AKAP6: variants seen among roughly 807,000 people sequenced by gnomAD.
AKAP6 encodes A-kinase anchor protein 6.
In AKAP6, 58 loss-of-function variants were observed where a neutral mutation model predicts 188.5. That is an observed-to-expected ratio of 0.31 (90% confidence interval 0.25 to 0.38). AKAP6 has a LOEUF of 0.38. AKAP6 is among the 10% of genes least tolerant of loss of function. The pLI is 1.00. For missense variants in AKAP6, 2,710 were observed against 2,740.0 expected (o/e 0.99, Z 0.24); for synonymous variants, 989 against 998.6 (o/e 0.99, Z 0.18).
intron 7 of AKAP6, among the ~76,000 whole-genome samples, chr14:32,659,936 G>T (rs749461573): frequency 2.0e-5 from 3 of 151,938 alleles, no homozygotes; most frequent in Non-Finnish European, 4.4e-5. Flanking sequence ...AGGTGTAACC[G>T]ACAAGGTGAC....
intron 7 of AKAP6, 45 bp from the exon 8 acceptor site, chr14:32,678,266 T>C: frequency 6.4e-7 from 1 of 1,573,960 alleles, no homozygotes; most frequent in Non-Finnish European, 8.7e-7. Context: ...TGAAATGCAT[T>C]CCTTCTGGAT....
chr14:32,454,662 TCC>T (rs1891063912), intron 2 of AKAP6, among the ~76,000 whole-genome samples: 1 of 41,108 alleles, frequency 2.4e-5, no homozygotes, highest in African/African-American at 3.3e-4. Context: ...CCTCTCTCCT[TCC>T]CTCCTTCCCT....
At chr14:32,767,768 T>A (rs796143562) in intron 11 of AKAP6, among the ~76,000 whole-genome samples, 4 of 152,296 alleles carry the variant, frequency 2.6e-5, no homozygotes, top group African/African-American at 9.6e-5. Flanking sequence ...ATCTGTCTAC[T>A]CCAGTTAATA....
chr14:32,597,394 G>A (rs1201119992), intron 5 of AKAP6, among the ~76,000 whole-genome samples: 1 of 152,162 alleles, frequency 6.6e-6, no homozygotes, highest in African/African-American at 2.4e-5. Flanking sequence ...GCTCTTGGGT[G>A]ATCTTAAGTG....
At chr14:32,667,232 C>A (rs572956765) in intron 7 of AKAP6, among the ~76,000 whole-genome samples, 2 of 151,992 alleles carry the variant, frequency 1.3e-5, no homozygotes, top group East Asian at 1.9e-4. Context: ...CAGCTGAATG[C>A]CAAAAACAAC....
chr14:32,796,105 A>G (rs926339701), intron 12 of AKAP6, among the ~76,000 whole-genome samples: 3 of 152,224 alleles, frequency 2.0e-5, no homozygotes, highest in African/African-American at 7.2e-5. Context: ...AAGGAGATCT[A>G]TAAACCACTG....
At chr14:32,710,624 T>C (rs1177352672) in intron 9 of AKAP6, among the ~76,000 whole-genome samples, 1 of 152,000 alleles carries the variant, frequency 6.6e-6, no homozygotes, top group African/African-American at 2.4e-5. Context: ...AAAACAGCCA[T>C]GGCGCTACAC....
intron 2 of AKAP6, among the ~76,000 whole-genome samples, chr14:32,450,310 A>ATG (rs113766291): frequency 3.5e-4 from 53 of 151,914 alleles, no homozygotes; most frequent in Admixed American, 4.6e-4. Context: ...GTGAGCTGGG[A>ATG]TGTGTGTGTG....
chr14:32,416,403 G>T (rs1406190274), intron 1 of AKAP6, among the ~76,000 whole-genome samples: 1 of 152,136 alleles, frequency 6.6e-6, no homozygotes, highest in Non-Finnish European at 1.5e-5. Flanking sequence ...GTTATTGAGT[G>T]TTGGGAGTTT....
intron 2 of AKAP6, among the ~76,000 whole-genome samples, chr14:32,450,600 T>C (rs2138774097): frequency 1.3e-5 from 2 of 152,300 alleles, no homozygotes; most frequent in South Asian, 4.1e-4. Context: ...ATCAAGTGCA[T>C]AGTACTGAAC....
intron 5 of AKAP6, among the ~76,000 whole-genome samples, chr14:32,584,150 A>C (rs893548355): frequency 6.6e-6 from 1 of 152,208 alleles, no homozygotes; most frequent in East Asian, 1.9e-4. Context: ...TTTAAAGTAC[A>C]GTGGTCCCTC....
At chr14:32,346,959 CA>C (rs1887087817) in intron 1 of AKAP6, among the ~76,000 whole-genome samples, 1 of 152,104 alleles carries the variant, frequency 6.6e-6, no homozygotes, top group African/African-American at 2.4e-5. Flanking sequence ...AGCCTTAGAC[CA>C]AAATATCATA....
rs2034606955 is a variant in AKAP6 at position 32,824,015 on chromosome 14, T to G, written c.6202T>G (p.Ser2068Ala). ...NFVKEIIDMA[S>A]TALKSKSQPE... The stretch of plus-strand genomic sequence containing the variant: ...TGTTAAGGAAATCATTGACATGGCT[T>G]CGACAGCCCTAAAAAGTAAATCTCA... The change falls in exon 13 of 14, where the codon TCG becomes GCG. Residue 2068 changes from serine to alanine, a missense_variant. This residue lies in a region of AKAP6 where 2,473 missense variants were observed against 2,426.1 expected (regional missense o/e 1.02). Coordinates refer to ENST00000280979, the MANE Select transcript of AKAP6 (RefSeq NM_004274.5). 2 of 1,613,920 alleles carry G rather than the reference T, an allele frequency of 1.2e-6. No homozygotes were observed. Among genetic ancestry groups the G allele is most frequent in the Non-Finnish European group, 1.7e-6 (2 of 1,179,908 alleles).
In AKAP6 at chr14:32,492,355, T is replaced by TATATATATATATATATATAG; in HGVS notation, c.325-43198_325-43197insTATATATATATATATATAGA. Among the ~76,000 whole-genome samples, 470 of 82,490 alleles carry TATATATATATATATATATAG rather than the reference T, an allele frequency of 5.7e-3. 6 individuals carry two copies. Among genetic ancestry groups the TATATATATATATATATATAG allele is most frequent in the Admixed American group, 9.1e-3 (49 of 5,358 alleles). The allele number at this position is 82,490 out of a possible 152,430, so 54.1% of individuals were successfully genotyped here. On this transcript the variant is annotated intron_variant, in intron 2 of 13. Coordinates refer to ENST00000280979, the MANE Select transcript of AKAP6 (RefSeq NM_004274.5). ...ACATTGTAATATATATATATATATATAGAGAGAGAGAGAGAGAGAGAGAGA... is the reference window on the plus strand; with the variant it reads ...ACATTGTAATATATATATATATATATATATATATATATATATATAGAGAGAGAGAGAGAGAGAGAGAGAGA...
rs544702311 is a variant in AKAP6 at position 32,586,834 on chromosome 14, G to A, written c.2469+9592G>A. Among the ~76,000 whole-genome samples the A allele has an allele frequency of 2.3e-4, 35 of 152,266 alleles. No homozygotes were observed. The Middle Eastern group carries it at 0.01, about 44-fold the overall frequency. On this transcript the variant is annotated intron_variant, in intron 5 of 13. Coordinates refer to ENST00000280979, the MANE Select transcript of AKAP6 (RefSeq NM_004274.5). Reference sequence around the variant, plus strand: ...ACAGTCTTTTTCTATTACAAATGATGCTTTAGTGAATATCCTTGGAAATTC... The same window carrying A: ...ACAGTCTTTTTCTATTACAAATGATACTTTAGTGAATATCCTTGGAAATTC...
Position 32,519,753 on chromosome 14 carries a change from T to C in AKAP6, c.325-15801T>C, listed in dbSNP as rs181630293. On this transcript the variant is annotated intron_variant, in intron 2 of 13. Transcript: ENST00000280979. ...CTCCCACATAATAATAATGGGAGAC[T>C]TTAACACCCCACTGTCAACATTAGA... Among the ~76,000 whole-genome samples, 1,289 of 152,240 alleles carry C rather than the reference T, an allele frequency of 8.5e-3. 8 individuals are homozygous for C. Among genetic ancestry groups the C allele is most frequent in the Non-Finnish European group, 0.014 (941 of 68,018 alleles).
At chr14:32,395,060 A>G (rs1316728671) in intron 1 of AKAP6, among the ~76,000 whole-genome samples, 1 of 148,288 alleles carries the variant, frequency 6.7e-6, no homozygotes, top group Non-Finnish European at 1.5e-5. Flanking sequence ...CGTTATCCCA[A>G]AGCTGCCCTC....
chr14:32,718,483 T>C (rs1253294977), intron 9 of AKAP6, among the ~76,000 whole-genome samples: 1 of 152,134 alleles, frequency 6.6e-6, no homozygotes, highest in Non-Finnish European at 1.5e-5. Context: ...AACTAAAAAT[T>C]AGACTTAGCC....
At chr14:32,613,239 G>A (rs73259189) in intron 7 of AKAP6, among the ~76,000 whole-genome samples, 2,125 of 152,170 alleles carry the variant, frequency 0.014, 46 homozygotes, top group African/African-American at 0.046. Flanking sequence ...TTGATACCTC[G>A]TGTATATACT....
Sources: allele counts gnomAD v4.1 joint callset (sites outside exome capture counted in the v4.1 genomes callset), GRCh38; gene constraint gnomAD v4.1.1; regional missense constraint gnomAD v4.1.1; transcripts MANE v1.5; gene names NCBI Gene and HGNC (gene_info 2026-07-23, HGNC 2026-07-21).